ADGRL1: variants seen among roughly 807,000 people sequenced by gnomAD.
The protein encoded by ADGRL1 is adhesion G protein-coupled receptor L1, also known as CIRL-1.
A neutral mutation model predicts 148.9 loss-of-function variants in ADGRL1; 31 were observed. That is an observed-to-expected ratio of 0.21 (90% CI 0.16 to 0.28). ADGRL1 has a LOEUF of 0.28. Ranked by LOEUF, ADGRL1 falls within the 10% of genes least tolerant of loss-of-function variation. ADGRL1 has a pLI of 1.00. For missense variants in ADGRL1, 1,521 were observed against 2,058.8 expected (o/e 0.74, Z 5.05); for synonymous variants, 937 against 900.3 (o/e 1.04, Z -0.73).
chr19:14,159,638 G>C lies in ADGRL1; in HGVS notation c.1840-54C>G. 6.3e-7 allele frequency: 1 copy of C among 1,594,878 alleles called. No homozygotes were observed. The highest frequency in any genetic ancestry group is 8.6e-7 in the Non-Finnish European group (1 of 1,165,452). ...AGCCCCCCAACACCCTCTAATTCCT[G>C]GGGGTGGGCTCTGCATGCCCTCTTC... On this transcript the variant is annotated intron_variant, in intron 9 of 22. Transcript: ENST00000361434. This position sits in a 1 kb window ranked among gnomAD's most constrained non-coding sequence, Gnocchi z 6.0.
intron 4 of ADGRL1, among the ~76,000 whole-genome samples, chr19:14,166,386 A>G (rs1034014842): frequency 7.9e-5 from 12 of 151,996 alleles, no homozygotes; most frequent in African/African-American, 2.9e-4. Context: ...ATGCTCCAAA[A>G]CAGCTCTGGG....
rs1322361689 is a variant in ADGRL1 at position 14,148,005 on chromosome 19, T to C, written c.*2868A>G. ...GAACATAGAGACAGCCAGAAAGACA[T>C]GGGGAAAGAGTGTTGGAGACAGAGA... On this transcript the variant is annotated 3_prime_UTR_variant, in exon 23 of 23. Coordinates refer to ENST00000361434, the MANE Select transcript of ADGRL1 (RefSeq NM_014921.5). 1 of 152,190 alleles carries C rather than the reference T, an allele frequency of 6.6e-6. No individual in the cohort carries two copies. The highest frequency in any genetic ancestry group is 6.6e-5 in the Admixed American group (1 of 15,238). 9.4% of individuals were successfully genotyped at this position (152,190 alleles called of 1,614,324 possible).
In ADGRL1 at chr19:14,147,935, G is replaced by C. The variant is rs540704684; in HGVS notation, c.*2938C>G. ...AGGGAGGGGCTGGGGCGTGGGAGGT[G>C]GGGAGGAGGCCCGAATGGACAGAAA... is the stretch of plus-strand genomic sequence containing the variant. On this transcript the variant is annotated 3_prime_UTR_variant, in exon 23 of 23. Transcript: ENST00000361434. 2 of 152,518 alleles carry C rather than the reference G, an allele frequency of 1.3e-5. No homozygotes were observed. Among genetic ancestry groups the C allele is most frequent in the South Asian group, 4.1e-4 (2 of 4,824 alleles). The allele number at this position is 152,518 out of a possible 1,614,324, so 9.4% of individuals were successfully genotyped here.
chr19:14,151,849 G>A (rs1968231620), intron 22 of ADGRL1, among the ~76,000 whole-genome samples: 1 of 152,186 alleles, frequency 6.6e-6, no homozygotes, highest in African/African-American at 2.4e-5. Flanking sequence ...AGTTCCCCCA[G>A]GATCTCATCC....
chr19:14,168,938 G>A (rs1210729205), intron 4 of ADGRL1: 1 of 152,276 alleles, frequency 6.6e-6, no homozygotes, highest in African/African-American at 2.4e-5. Flanking sequence ...ACACTGAAGT[G>A]AGGCCACATG....
chr19:14,182,215 C>T (rs1328827321), intron 2 of ADGRL1, among the ~76,000 whole-genome samples: 2 of 152,266 alleles, frequency 1.3e-5, no homozygotes, highest in South Asian at 2.1e-4. Context: ...GTGTGCAGAG[C>T]GCAGTGAGAT....
chr19:14,166,202 A>C (rs1969943303), intron 4 of ADGRL1, among the ~76,000 whole-genome samples: 2 of 147,744 alleles, frequency 1.4e-5, no homozygotes. Flanking sequence ...ACGCTCCCCC[A>C]CCCTTCGCTC....
chr19:14,191,029 G>T (rs752886471), intron 1 of ADGRL1: 1 of 429,168 alleles, frequency 2.3e-6, no homozygotes, highest in Non-Finnish European at 4.8e-6. Context: ...CAGAGGTTGC[G>T]GTGAGCCAAG....
chr19:14,166,200 C>G (rs1969942606), intron 4 of ADGRL1, among the ~76,000 whole-genome samples: 1 of 151,906 alleles, frequency 6.6e-6, no homozygotes, highest in East Asian at 1.9e-4. Context: ...ACACGCTCCC[C>G]CACCCTTCGC....
rs1189271933 is a variant in ADGRL1 at position 14,159,041 on chromosome 19, G to A, written c.2149+49C>T. On this transcript the variant is annotated intron_variant, in intron 11 of 22. Coordinates refer to ENST00000361434, the MANE Select transcript of ADGRL1 (RefSeq NM_014921.5). This position sits in a 1 kb window ranked among gnomAD's most constrained non-coding sequence, Gnocchi z 6.0. Reference sequence around the variant, plus strand: ...AGAGACGCTGGCACAGAGCTGGGGGGTGGGGGTGGGGCTGCTTCCCCACCC... The same window carrying A: ...AGAGACGCTGGCACAGAGCTGGGGGATGGGGGTGGGGCTGCTTCCCCACCC... The A allele has an allele frequency of 6.2e-7, 1 of 1,605,698 alleles. No individual in the cohort carries two copies. The highest frequency in any genetic ancestry group is 8.5e-7 in the Non-Finnish European group (1 of 1,175,388).
In ADGRL1 at chr19:14,150,814, G is replaced by GC; in HGVS notation, c.*58dup. 6.4e-7 allele frequency: 1 copy of GC among 1,571,058 alleles called. No individual in the cohort carries two copies. Among genetic ancestry groups the GC allele is most frequent in the Non-Finnish European group, 8.6e-7 (1 of 1,160,810 alleles). On this transcript the variant is annotated 3_prime_UTR_variant, in exon 23 of 23. Coordinates refer to ENST00000361434, the MANE Select transcript of ADGRL1 (RefSeq NM_014921.5). ...CCATCTGTCTCCCTCTCCCACCAGA[G>GC]CCCTGCCCAGGGTTCCCTCCCTGGC...
intron 3 of ADGRL1, among the ~76,000 whole-genome samples, 162 bp downstream of exon 3, chr19:14,177,369 G>A (rs1197087478): frequency 6.6e-6 from 1 of 152,106 alleles, no homozygotes; most frequent in African/African-American, 2.4e-5. Flanking sequence ...GAGATGTACT[G>A]GGTCTTATTC....
At chr19:14,183,193 C>CAGAGAGAGAGATAG (rs1971322797) in intron 2 of ADGRL1, among the ~76,000 whole-genome samples, 1 of 145,306 alleles carries the variant, frequency 6.9e-6, no homozygotes, top group Admixed American at 6.8e-5. Flanking sequence ...GATGTAATCA[C>CAGAGAGAGAGATAG]AGAGAGAGAG....
chr19:14,181,675 A>T (rs1971206861), intron 2 of ADGRL1, among the ~76,000 whole-genome samples: 1 of 151,788 alleles, frequency 6.6e-6, no homozygotes, highest in African/African-American at 2.4e-5. Context: ...AGCCGAGATC[A>T]CACCACTGCA....
intron 4 of ADGRL1, chr19:14,164,632 C>G (rs1376765390): frequency 6.6e-6 from 1 of 151,958 alleles, no homozygotes; most frequent in African/African-American, 2.4e-5. Context: ...TGCGACCATC[C>G]CCGGCTCGGG....
chr19:14,160,380 G>T lies in ADGRL1; in HGVS notation c.1615-83C>A. ...CTCCCCGGCTTCCCTGGCCTGTGCA[G>T]CCTCTCCTATCTCTCTCTCCACTTC... On this transcript the variant is annotated intron_variant, in intron 7 of 22. Coordinates refer to ENST00000361434, the MANE Select transcript of ADGRL1 (RefSeq NM_014921.5). The surrounding 1 kb of genome is among the most constrained non-coding windows in gnomAD (Gnocchi z 5.9). 7.7e-7 allele frequency: 1 copy of T among 1,296,644 alleles called. No individual in the cohort carries two copies. The highest frequency in any genetic ancestry group is 1.1e-6 in the Non-Finnish European group (1 of 937,010). 80.3% of individuals were successfully genotyped at this position (1,296,644 alleles called of 1,614,324 possible). A position where few individuals can be genotyped will look rare whatever the true frequency, so the allele number is the denominator to read the frequency against.
intron 4 of ADGRL1, among the ~76,000 whole-genome samples, chr19:14,165,802 G>A (rs964111777): frequency 1.1e-4 from 17 of 152,060 alleles, no homozygotes; most frequent in Admixed American, 9.8e-4. Context: ...GCAGCTCAGA[G>A]GGACCCTGCC....
At chr19:14,202,025 TC>T (rs761637718) in intron 1 of ADGRL1, among the ~76,000 whole-genome samples, 1 of 152,156 alleles carries the variant, frequency 6.6e-6, no homozygotes, top group South Asian at 2.1e-4. Flanking sequence ...GGAAGGGTCC[TC>T]CGTGGCAGAA....
Position 14,156,216 on chromosome 19 carries a change from A to G in ADGRL1, c.3034-15T>C, listed in dbSNP as rs1212068065. The G allele has an allele frequency of 1.9e-6, 3 of 1,601,552 alleles. No individual in the cohort carries two copies. The highest frequency in any genetic ancestry group is 2.6e-6 in the Non-Finnish European group (3 of 1,171,218). ...ACCAGGTTGACCTGGGGGCGGGACA[A>G]GGGGCAGGCTGGGCTGAGAGTGGCC... On this transcript the variant is annotated splice_polypyrimidine_tract_variant and intron_variant, in intron 16 of 22. Transcript: ENST00000361434.
Sources: allele counts gnomAD v4.1 joint callset (sites outside exome capture counted in the v4.1 genomes callset), GRCh38; gene constraint gnomAD v4.1.1; non-coding constraint Gnocchi (gnomAD v3.1); transcripts MANE v1.5; gene names NCBI Gene and HGNC (gene_info 2026-07-23, HGNC 2026-07-21).